Variants in ZNF782 observed in about 807,000 individuals in gnomAD.
ZNF782 encodes zinc finger protein 782.
ZNF782 carries 12 observed loss-of-function variants against 13.0 expected under a neutral mutation model. That is an observed-to-expected ratio of 0.92 (90% CI 0.59 to 1.50). The LOEUF (loss-of-function observed/expected upper bound fraction) is 1.50. ZNF782 is among the 40% of genes most tolerant of loss of function. The pLI is 0.00. For missense variants in ZNF782, 770 were observed against 822.9 expected (o/e 0.94, Z 0.79); for synonymous variants, 284 against 283.0 (o/e 1.00, Z -0.04).
chr9:96,841,135 T>G (rs1851177095), intron 4 of ZNF782, among the ~76,000 whole-genome samples: 1 of 151,976 alleles, frequency 6.6e-6, no homozygotes, highest in African/African-American at 2.4e-5. Flanking sequence ...TCTTTACACA[T>G]ATGAATGTGA....
Position 96,850,411 on chromosome 9 carries a change from C to T in ZNF782, c.15+1536G>A, listed in dbSNP as rs1309274310. ...GTATCACAGGAGTAGAAAACCAAAC[C>T]GTACGTTCTCACTTATAAGTGGGAG... On this transcript the variant is annotated intron_variant, in intron 3 of 5. Coordinates refer to ENST00000481138, the MANE Select transcript of ZNF782 (RefSeq NM_001001662.3). This position sits in a 1 kb window ranked among gnomAD's most constrained non-coding sequence, Gnocchi z 4.3. 1.3e-5 allele frequency among the ~76,000 whole-genome samples: 2 copies of T among 152,138 alleles called. No homozygotes were observed. Among genetic ancestry groups the T allele is most frequent in the Non-Finnish European group, 2.9e-5 (2 of 68,030 alleles).
intron 5 of ZNF782, among the ~76,000 whole-genome samples, chr9:96,823,079 T>C (rs1192964387): frequency 6.6e-6 from 1 of 152,224 alleles, no homozygotes; most frequent in Admixed American, 6.5e-5. Context: ...TATTTATAAC[T>C]TCTAGAGCAG....
chr9:96,920,851 A>G, the ZNF782 span, among the ~76,000 whole-genome samples: 1 of 149,040 alleles, frequency 6.7e-6, no homozygotes, highest in African/African-American at 2.5e-5. Flanking sequence ...GGAGGCAGAG[A>G]TTGCAGTGAG....
chr9:96,906,250 C>T, the ZNF782 span, among the ~76,000 whole-genome samples: 9 of 151,422 alleles, frequency 5.9e-5, no homozygotes, highest in Non-Finnish European at 1.2e-4. Context: ...GTACTTCAGA[C>T]ACCAGACGTG....
chr9:96,888,005 C>T, the ZNF782 span: 2 of 122,692 alleles, frequency 1.6e-5, no homozygotes, highest in African/African-American at 3.3e-5. Flanking sequence ...ACATCACACA[C>T]CAGGGCCTGT....
At chr9:96,931,179 T>G in the ZNF782 span, among the ~76,000 whole-genome samples, 1 of 152,120 alleles carries the variant, frequency 6.6e-6, no homozygotes, top group African/African-American at 2.4e-5. Flanking sequence ...TGAACCAGCA[T>G]GCCCGGCCTA....
chr9:96,827,752 A>T (rs1251894940), intron 4 of ZNF782, among the ~76,000 whole-genome samples: 1 of 152,240 alleles, frequency 6.6e-6, no homozygotes, highest in African/African-American at 2.4e-5. Context: ...ACAGGGTAAA[A>T]GGAACTGATT....
At chr9:96,843,378 CT>C (rs1015173423) in intron 4 of ZNF782, among the ~76,000 whole-genome samples, 1 of 152,162 alleles carries the variant, frequency 6.6e-6, no homozygotes, top group Non-Finnish European at 1.5e-5. Context: ...TACACTACAA[CT>C]TGGATCTCAA....
chr9:96,872,195 C>A (rs776446109), intron 1 of ZNF782, among the ~76,000 whole-genome samples: 61 of 152,106 alleles, frequency 4.0e-4, no homozygotes, highest in Non-Finnish European at 7.4e-4. Flanking sequence ...GTTTTTATTT[C>A]TCATGTTTAC....
Position 96,818,149 on chromosome 9 carries a change from T to C in ZNF782, c.1874A>G (p.Lys625Arg), listed in dbSNP as rs149920781. ...TAGGACTGACTTCTCACTGAAAGCT[T>C]TTCCACATTCATTACATTCATAGGG... ...EKPYECNECG[K>R]AFSEKSVLRK... The change falls in exon 6 of 6, where the codon AAA becomes AGA. Residue 625 changes from lysine to arginine, a missense_variant. By Grantham distance (26) the Lys-to-Arg change is conservative (BLOSUM62 2). Transcript: ENST00000481138. 1.9e-6 allele frequency: 3 copies of C among 1,613,900 alleles called. No individual in the cohort carries two copies. The highest frequency in any genetic ancestry group is 2.7e-5 in the African/African-American group (2 of 74,858).
chr9:96,867,658 A>G (rs1851775440), intron 1 of ZNF782, among the ~76,000 whole-genome samples: 1 of 152,202 alleles, frequency 6.6e-6, no homozygotes, highest in African/African-American at 2.4e-5. Flanking sequence ...CGACTAGTAA[A>G]TGGCATCCAC....
rs936140529 is a variant in ZNF782 at position 96,823,794 on chromosome 9, T to C, written c.244+3286A>G. 1.2e-4 allele frequency among the ~76,000 whole-genome samples: 18 copies of C among 152,238 alleles called. 1 individual carries two copies. Among genetic ancestry groups the C allele is most frequent in the Non-Finnish European group, 2.4e-4 (16 of 68,034 alleles). ...GTGAATTTAATCCACTTAACATTAGTTGATATGGCAAATATGTTTGTCTTA... is the reference window on the plus strand; with the variant it reads ...GTGAATTTAATCCACTTAACATTAGCTGATATGGCAAATATGTTTGTCTTA... On this transcript the variant is annotated intron_variant, in intron 5 of 5. Coordinates refer to ENST00000481138, the MANE Select transcript of ZNF782 (RefSeq NM_001001662.3).
chr9:96,857,327 A>G (rs1851655523), upstream of ZNF782, among the ~76,000 whole-genome samples: 1 of 152,168 alleles, frequency 6.6e-6, no homozygotes, highest in Non-Finnish European at 1.5e-5. Flanking sequence ...GTACATTTCT[A>G]TGGGCACAGT....
intron 1 of ZNF782, among the ~76,000 whole-genome samples, chr9:96,864,985 G>C (rs1238303467): frequency 6.6e-6 from 1 of 151,822 alleles, no homozygotes; most frequent in East Asian, 1.9e-4. Context: ...GTTTGAGTCT[G>C]CTGTGAGCTA....
the ZNF782 span, chr9:96,891,237 TAATGCCACTG>T: frequency 2.0e-5 from 3 of 152,250 alleles, no homozygotes; most frequent in African/African-American, 4.8e-5. Flanking sequence ...TGAGTGTATT[TAATGCCACTG>T]AATTGTACAC....
the ZNF782 span, chr9:96,893,165 C>T: frequency 6.6e-6 from 1 of 152,206 alleles, no homozygotes; most frequent in African/African-American, 2.4e-5. Context: ...CTACCTGCCC[C>T]TGACCAAGTC....
intron 1 of ZNF782, chr9:96,875,457 C>A (rs952694347): frequency 2.4e-5 from 11 of 456,520 alleles, no homozygotes; most frequent in Admixed American, 9.4e-5. Flanking sequence ...CCGCCCTCGC[C>A]CCCCGCTTAC....
chr9:96,886,480 A>G, the ZNF782 span, among the ~76,000 whole-genome samples: 1 of 152,316 alleles, frequency 6.6e-6, no homozygotes, highest in South Asian at 2.1e-4. Context: ...TTAAAAGTGG[A>G]GAGAGTAAAG....
intron 4 of ZNF782, among the ~76,000 whole-genome samples, chr9:96,829,999 C>T (rs1487503441): frequency 6.6e-6 from 1 of 152,106 alleles, no homozygotes; most frequent in Non-Finnish European, 1.5e-5. Flanking sequence ...TGATGAGTTC[C>T]CCGCACTTCT....
Sources: allele counts gnomAD v4.1 joint callset (sites outside exome capture counted in the v4.1 genomes callset), GRCh38; gene constraint gnomAD v4.1.1; non-coding constraint Gnocchi (gnomAD v3.1); transcripts MANE v1.5; gene names NCBI Gene and HGNC (gene_info 2026-07-23, HGNC 2026-07-21).